Variants in UMAD1 observed in about 807,000 individuals in gnomAD.
UMAD1 encodes the protein UBAP1-MVB12-associated (UMA) domain containing 1.
In UMAD1, 8 loss-of-function variants were observed where a neutral mutation model predicts 6.1. The ratio of observed to expected loss-of-function variants is 1.30; its 90% CI spans 0.76 to 2.35. The LOEUF (loss-of-function observed/expected upper bound fraction) is 2.35, where lower values mean the gene tolerates loss of function less well. Among genes scored for constraint, UMAD1 ranks in the 30% most tolerant of loss-of-function variants. The pLI, the probability that UMAD1 is intolerant of heterozygous loss-of-function variation, is 0.00. For missense variants in UMAD1, 130 were observed against 78.4 expected (o/e 1.66, Z -2.49); for synonymous variants, 56 against 31.4 (o/e 1.78, Z -2.61).
At chr7:7,868,154 G>C (rs1583884456) in intron 3 of UMAD1, among the ~76,000 whole-genome samples, 1 of 152,090 alleles carries the variant, frequency 6.6e-6, no homozygotes, top group East Asian at 1.9e-4. Context: ...CTTACGGTTG[G>C]AGTTTATGAA....
intron 1 of UMAD1, among the ~76,000 whole-genome samples, chr7:7,657,368 T>C (rs574092857): frequency 1.3e-5 from 2 of 152,346 alleles, no homozygotes; most frequent in East Asian, 1.9e-4. Flanking sequence ...TTTGGTGTTT[T>C]AGTCATGAAG....
intron 2 of UMAD1, among the ~76,000 whole-genome samples, chr7:7,752,755 G>A (rs972373708): frequency 3.3e-5 from 5 of 151,868 alleles, no homozygotes; most frequent in Admixed American, 2.0e-4. Context: ...GAGGTTTGTT[G>A]GATAAATAAA....
At chr7:7,795,483 G>T (rs771732677) in intron 2 of UMAD1, among the ~76,000 whole-genome samples, 15 of 152,238 alleles carry the variant, frequency 9.9e-5, no homozygotes, top group Non-Finnish European at 1.8e-4. Context: ...CTGCAAGAAA[G>T]AATTTGGGGT....
chr7:7,770,475 T>G (rs1313419587), intron 2 of UMAD1, among the ~76,000 whole-genome samples: 1 of 152,162 alleles, frequency 6.6e-6, no homozygotes, highest in East Asian at 1.9e-4. Context: ...TCCCCTTGTT[T>G]AAGCAAGAGA....
intron 2 of UMAD1, among the ~76,000 whole-genome samples, chr7:7,705,948 A>G (rs1273910756): frequency 6.6e-6 from 1 of 152,146 alleles, no homozygotes; most frequent in East Asian, 1.9e-4. Context: ...TGAACCTAAA[A>G]CTGCTCTAAA....
chr7:7,845,332 C>G lies in UMAD1; in HGVS notation c.157-31949C>G, dbSNP rs775481382. ...TTACATATGTAGTTCTTATTAATTTCTATTTAACAAGCTGCTCTATAGGGA... is the reference window on the plus strand; with the variant it reads ...TTACATATGTAGTTCTTATTAATTTGTATTTAACAAGCTGCTCTATAGGGA... On this transcript the variant is annotated intron_variant, in intron 3 of 3. Transcript: ENST00000682710. 1.2e-3 allele frequency among the ~76,000 whole-genome samples: 181 copies of G among 152,062 alleles called. 1 individual carries two copies. The highest frequency in any genetic ancestry group is 1.9e-3 in the Non-Finnish European group (132 of 67,928).
chr7:7,716,587 G>A (rs1475949618), intron 2 of UMAD1, among the ~76,000 whole-genome samples: 2 of 152,230 alleles, frequency 1.3e-5, no homozygotes, highest in Admixed American at 6.5e-5. Flanking sequence ...CACGTGCACA[G>A]TAAAGAGGCA....
rs1345487393 is a variant in UMAD1 at position 7,789,620 on chromosome 7, C to CCCCA, written c.83-12047_83-12046insACCC. Among the ~76,000 whole-genome samples, 230 of 129,162 alleles carry CCCCA rather than the reference C, an allele frequency of 1.8e-3. 4 individuals are homozygous for CCCCA. The highest frequency in any genetic ancestry group is 6.8e-3 in the African/African-American group (219 of 32,380). 84.7% of individuals were successfully genotyped at this position (129,162 alleles called of 152,430 possible). The stretch of plus-strand genomic sequence containing the variant: ...ACTCGTTAAACAAAATACCCCTTCT[C>CCCCA]CCCTCCCCACAGACCCTGGAAACCA... On this transcript the variant is annotated intron_variant, in intron 2 of 3. Coordinates refer to ENST00000682710, the MANE Select transcript of UMAD1 (RefSeq NM_001302348.2).
At chr7:7,873,463 TGAGTCCCAATTA>T (rs1784364769) in intron 3 of UMAD1, among the ~76,000 whole-genome samples, 1 of 152,220 alleles carries the variant, frequency 6.6e-6, no homozygotes, top group South Asian at 2.1e-4. Context: ...ATTAGCATGG[TGAGTCCCAATTA>T]GATTTCAGGA....
At chr7:7,641,816 C>T (rs1291404730) in intron 1 of UMAD1, 4 of 152,084 alleles carry the variant, frequency 2.6e-5, no homozygotes, top group Non-Finnish European at 4.4e-5. Flanking sequence ...TTCCCTTAAG[C>T]AAAAAAGATC....
At chr7:7,740,056 G>C (rs1217810014) in intron 2 of UMAD1, among the ~76,000 whole-genome samples, 1 of 152,210 alleles carries the variant, frequency 6.6e-6, no homozygotes, top group African/African-American at 2.4e-5. Context: ...AAGCATGATT[G>C]TTAAAAGTTC....
intron 2 of UMAD1, chr7:7,689,531 A>G (rs531440590): frequency 1.3e-5 from 2 of 152,252 alleles, no homozygotes; most frequent in East Asian, 3.9e-4. Context: ...GCAGCTGAAA[A>G]TGTCTGCACC....
At chr7:7,805,653 C>T (rs1191621569) in intron 3 of UMAD1, among the ~76,000 whole-genome samples, 1 of 152,128 alleles carries the variant, frequency 6.6e-6, no homozygotes, top group South Asian at 2.1e-4. Context: ...CATACTCTCT[C>T]TAATCTCATT....
At chr7:7,707,306 C>T (rs1780629475) in intron 2 of UMAD1, among the ~76,000 whole-genome samples, 1 of 152,130 alleles carries the variant, frequency 6.6e-6, no homozygotes, top group Non-Finnish European at 1.5e-5. Context: ...ACTCAGAAGA[C>T]TTCAGAAAAT....
chr7:7,792,901 T>A (rs1371394528), intron 2 of UMAD1, among the ~76,000 whole-genome samples: 1 of 152,178 alleles, frequency 6.6e-6, no homozygotes, highest in Non-Finnish European at 1.5e-5. Context: ...AGCCCAGCTC[T>A]CTTCAACCCC....
chr7:7,775,611 C>T (rs1341088592), intron 2 of UMAD1, among the ~76,000 whole-genome samples: 1 of 152,174 alleles, frequency 6.6e-6, no homozygotes, highest in East Asian at 1.9e-4. Flanking sequence ...TAATACACTA[C>T]TACACCCACT....
intron 2 of UMAD1, among the ~76,000 whole-genome samples, chr7:7,758,418 T>C (rs966187827): frequency 3.3e-5 from 5 of 152,078 alleles, no homozygotes; most frequent in Admixed American, 2.0e-4. Flanking sequence ...TTTTTATCTT[T>C]AAATTTTTTT....
rs1488353409 is a variant in UMAD1, at chr7:7,856,008, C to T, written c.157-21273C>T. 2.6e-5 allele frequency among the ~76,000 whole-genome samples: 4 copies of T among 152,168 alleles called. No homozygotes were observed. The South Asian group carries it at 8.3e-4, about 32-fold the overall frequency. ...CAAGTTTCTTATCTCCACCTGAGAC[C>T]ACTCACCCTGGACTTCATTGTCCAT... On this transcript the variant is annotated intron_variant, in intron 3 of 3. Transcript: ENST00000682710.
chr7:7,844,316 A>G (rs988418786), intron 3 of UMAD1, among the ~76,000 whole-genome samples: 3 of 152,120 alleles, frequency 2.0e-5, no homozygotes, highest in Admixed American at 6.6e-5. Context: ...TTTGCTTTCA[A>G]CAGCCTCTTT....
Sources: gnomAD v4.1 joint callset for allele counts (sites outside exome capture counted in the v4.1 genomes callset) on GRCh38, gnomAD v4.1.1 for gene constraint, MANE v1.5 for transcripts, NCBI Gene and HGNC (gene_info 2026-07-23, HGNC 2026-07-21) for gene names.